Variants in RNLS observed in about 807,000 individuals in gnomAD.
The protein encoded by RNLS is renalase, FAD dependent amine oxidase.
A neutral mutation model predicts 39.8 loss-of-function variants in RNLS; 39 were observed. The observed-to-expected ratio is 0.98, with a 90% CI of 0.76 to 1.28. RNLS has a LOEUF of 1.28. Ranked by LOEUF, RNLS falls within the 50% of genes most tolerant of loss-of-function variation. RNLS has a pLI of 0.00. For synonymous variants in RNLS, 147 were observed against 150.7 expected (o/e 0.98, Z 0.18); for missense variants, 410 against 413.3 (o/e 0.99, Z 0.07).
At chr10:88,198,594 GGT>G in the RNLS span, among the ~76,000 whole-genome samples, 2 of 152,100 alleles carry the variant, frequency 1.3e-5, no homozygotes, top group Admixed American at 6.6e-5. Context: ...ATTGGATCAT[GGT>G]GATTGGATCA....
chr10:88,530,398 CT>C (rs761625586), intron 4 of RNLS, among the ~76,000 whole-genome samples: 2 of 152,078 alleles, frequency 1.3e-5, no homozygotes, highest in Non-Finnish European at 2.9e-5. Context: ...TCTTTTGTTT[CT>C]TTTTCTCTGT....
At chr10:88,414,585 T>C (rs952300798) in intron 4 of RNLS, among the ~76,000 whole-genome samples, 2 of 152,072 alleles carry the variant, frequency 1.3e-5, no homozygotes, top group Non-Finnish European at 1.5e-5. Context: ...CATGGAAAAA[T>C]TGCAAAAGCA....
chr10:88,529,906 T>G (rs763912437), intron 4 of RNLS, among the ~76,000 whole-genome samples: 2 of 152,188 alleles, frequency 1.3e-5, no homozygotes, highest in African/African-American at 2.4e-5. Context: ...CCTGAAATTG[T>G]TAGATACCAT....
the RNLS span, among the ~76,000 whole-genome samples, chr10:88,218,882 T>C: frequency 2.6e-5 from 4 of 152,106 alleles, no homozygotes; most frequent in Non-Finnish European, 5.9e-5. Context: ...TCCCTCCAAA[T>C]CTTTGCCAAA....
At chr10:88,203,413 CACGTAT>C in the RNLS span, among the ~76,000 whole-genome samples, 139 of 1,230 alleles carry the variant, frequency 0.11, 39 homozygotes, top group African/African-American at 0.27. Flanking sequence ...TATATATATA[CACGTAT>C]GTGTATATAT....
the RNLS span, among the ~76,000 whole-genome samples, chr10:88,195,134 G>T: frequency 0.83 from 125,423 of 151,706 alleles, 51,881 homozygotes; most frequent in South Asian, 0.84. Flanking sequence ...TGGTCTGTGC[G>T]TCTTCTTTTT....
At position 88,447,722 on chromosome 10, in the gene RNLS, A is replaced by G. The variant is rs563058227; in HGVS notation, c.527-84997T>C. ...CCAAGTCAATCCTAAGCCAAAGAACAAAGCTGGAGGCATCATGCTACCTGA... is the reference window on the plus strand; with the variant it reads ...CCAAGTCAATCCTAAGCCAAAGAACGAAGCTGGAGGCATCATGCTACCTGA... On this transcript the variant is annotated intron_variant, in intron 4 of 6. Transcript: ENST00000331772. 6.6e-5 allele frequency among the ~76,000 whole-genome samples: 10 copies of G among 152,320 alleles called. No homozygotes were observed. In the South Asian group the frequency reaches 1.2e-3, roughly 19 times the overall value.
intron 5 of RNLS, among the ~76,000 whole-genome samples, chr10:88,325,512 A>C (rs1289555633): frequency 6.6e-6 from 1 of 152,206 alleles, no homozygotes; most frequent in Admixed American, 6.5e-5. Context: ...AAATACTTAC[A>C]ATCAAAAGCT....
the RNLS span, among the ~76,000 whole-genome samples, chr10:88,251,677 C>T: frequency 6.6e-6 from 1 of 152,230 alleles, no homozygotes; most frequent in East Asian, 1.9e-4. Context: ...CTACCACGTG[C>T]ATACACACAC....
At chr10:88,343,431 G>T in intron 5 of RNLS, 1 of 637,676 alleles carries the variant, frequency 1.6e-6, no homozygotes, top group Non-Finnish European at 2.0e-6. Flanking sequence ...AAATGGGAAA[G>T]ATGGGGGAGG....
the RNLS span, among the ~76,000 whole-genome samples, chr10:88,188,544 A>G: frequency 6.6e-6 from 1 of 152,220 alleles, no homozygotes; most frequent in Admixed American, 6.5e-5. Flanking sequence ...TTCCTTTTGG[A>G]CCAAATTCTA....
In RNLS at chr10:88,284,892, T is replaced by G; in HGVS notation, c.*462A>C. On this transcript the variant is annotated 3_prime_UTR_variant, in exon 7 of 7. Coordinates refer to ENST00000331772, the MANE Select transcript of RNLS (RefSeq NM_001031709.3). Reference sequence around the variant, plus strand: ...TAAGAATTACACTCTGTTACCTACATTTTGGAAAAATCTTGTTTTGTATAA... The same window carrying G: ...TAAGAATTACACTCTGTTACCTACAGTTTGGAAAAATCTTGTTTTGTATAA... The G allele has an allele frequency of 1.0e-6, 1 of 985,856 alleles. No homozygotes were observed. Among genetic ancestry groups the G allele is most frequent in the South Asian group, 4.7e-5 (1 of 21,316 alleles). The allele number at this position is 985,856 out of a possible 1,614,324, so 61.1% of individuals were successfully genotyped here.
In RNLS at chr10:88,312,607, A is replaced by G. The variant is rs1845457875; in HGVS notation, c.876+1859T>C. On this transcript the variant is annotated intron_variant, in intron 6 of 6. Coordinates refer to ENST00000331772, the MANE Select transcript of RNLS (RefSeq NM_001031709.3). ...TTAGCTGTGGGGATTGAAGGAAGTT[A>G]TTTCATCTCTGTGAGGCTTCGTGTG... Among the ~76,000 whole-genome samples, 3 of 152,168 alleles carry G rather than the reference A, an allele frequency of 2.0e-5. No homozygotes were observed. The South Asian group carries it at 6.2e-4, about 31-fold the overall frequency.
chr10:88,471,096 C>A (rs552771496), intron 4 of RNLS, among the ~76,000 whole-genome samples: 3 of 151,976 alleles, frequency 2.0e-5, no homozygotes, highest in Non-Finnish European at 4.4e-5. Context: ...GTAAAGGTAA[C>A]CTACCTACAA....
intron 6 of RNLS, among the ~76,000 whole-genome samples, chr10:88,310,120 G>A (rs1352157555): frequency 1.3e-5 from 2 of 152,178 alleles, no homozygotes; most frequent in African/African-American, 4.8e-5. Context: ...GGGGGCTGAG[G>A]AGGATTGCTT....
chr10:88,266,633 A>G, the RNLS span, among the ~76,000 whole-genome samples: 2 of 149,742 alleles, frequency 1.3e-5, no homozygotes, highest in African/African-American at 4.9e-5. Flanking sequence ...TGTGGTTTGC[A>G]TTGTTTTTAT....
chr10:88,502,915 CTTTTT>C (rs1358986416), intron 4 of RNLS, among the ~76,000 whole-genome samples: 7 of 148,382 alleles, frequency 4.7e-5, no homozygotes, highest in Admixed American at 2.0e-4. Flanking sequence ...GTTTTTTTTT[CTTTTT>C]ATCTTTTGCA....
intron 1 of RNLS, 102 bp downstream of exon 1, chr10:88,582,971 A>G: frequency 1.5e-6 from 2 of 1,328,408 alleles, no homozygotes; most frequent in South Asian, 1.4e-5. Context: ...AGCTGAGGGT[A>G]TAGCGTTTTC....
At chr10:88,410,742 C>G (rs995431138) in intron 4 of RNLS, among the ~76,000 whole-genome samples, 22 of 152,134 alleles carry the variant, frequency 1.4e-4, no homozygotes, top group African/African-American at 4.1e-4. Flanking sequence ...GTTTCTTCAT[C>G]CATAAAACTA....
Sources: gnomAD v4.1 joint callset for allele counts (sites outside exome capture counted in the v4.1 genomes callset) on GRCh38, gnomAD v4.1.1 for gene constraint, MANE v1.5 for transcripts, NCBI Gene and HGNC (gene_info 2026-07-23, HGNC 2026-07-21) for gene names.